MGAT4C: variants seen among roughly 807,000 people sequenced by gnomAD.
The protein encoded by MGAT4C is MGAT4 family member C.
In MGAT4C, 19 loss-of-function variants were observed where a neutral mutation model predicts 40.1. That is an observed-to-expected ratio of 0.47 (90% confidence interval 0.33 to 0.70). The LOEUF (loss-of-function observed/expected upper bound fraction) is 0.70, where lower values mean the gene tolerates loss of function less well. Ranked by LOEUF, MGAT4C falls within the 30% of genes least tolerant of loss-of-function variation. The probability of loss-of-function intolerance (pLI) is 0.02; values close to 1 mark genes in which losing one functional copy is unlikely to be tolerated. For synonymous variants in MGAT4C, 181 were observed against 187.1 expected (o/e 0.97, Z 0.27); for missense variants, 491 against 563.2 (o/e 0.87, Z 1.30).
intron 2 of MGAT4C, among the ~76,000 whole-genome samples, chr12:86,568,415 T>C (rs773814533): frequency 6.6e-6 from 1 of 151,992 alleles, no homozygotes; most frequent in Non-Finnish European, 1.5e-5. Context: ...GACTGAAAGC[T>C]GCCCTGTTCG....
At chr12:86,013,262 T>G (rs896560302) in intron 2 of MGAT4C, among the ~76,000 whole-genome samples, 1 of 151,608 alleles carries the variant, frequency 6.6e-6, no homozygotes, top group Non-Finnish European at 1.5e-5. Context: ...TACCAAGTAA[T>G]TTTTTTTTGG....
Position 86,688,247 on chromosome 12 carries a change from A to T in MGAT4C, c.-229+38962T>A, listed in dbSNP as rs1010724940. On this transcript the variant is annotated intron_variant, in intron 2 of 7. Transcript: ENST00000548651. ...CTTGAGCTTATGTGTGTCTTTGCAC[A>T]TGAAATGGGTCTCCTGAATACAGCA... 5.6e-5 allele frequency among the ~76,000 whole-genome samples: 8 copies of T among 142,134 alleles called. 1 individual carries two copies. In the South Asian group the frequency reaches 1.1e-3, roughly 20 times the overall value. The allele number at this position is 142,134 out of a possible 152,430, so 93.2% of individuals were successfully genotyped here. A position where few individuals can be genotyped will look rare whatever the true frequency, so the allele number is the denominator to read the frequency against.
intron 3 of MGAT4C, among the ~76,000 whole-genome samples, chr12:86,355,708 AT>A (rs146511868): frequency 0.013 from 2,041 of 152,294 alleles, 37 homozygotes; most frequent in African/African-American, 0.047. Flanking sequence ...AAAGAAAAAA[AT>A]AAGCAGAATA....
rs1592571859 is a variant in MGAT4C at position 85,957,291 on chromosome 12, T to A, written c.*21998A>T. The A allele has an allele frequency of 6.6e-6, 1 of 152,184 alleles. No individual in the cohort carries two copies. Among genetic ancestry groups the A allele is most frequent in the East Asian group, 1.9e-4 (1 of 5,198 alleles). The allele number at this position is 152,184 out of a possible 1,614,324, so 9.4% of individuals were successfully genotyped here. On this transcript the variant is annotated 3_prime_UTR_variant, in exon 5 of 5. Transcript: ENST00000611864. ...ATTTGTGAAAGACCAAGGCCAAGGA[T>A]CTTGCCCCTCATTCTATAATGAGGT...
At chr12:86,538,608 CTTTT>C (rs71078909) in intron 2 of MGAT4C, among the ~76,000 whole-genome samples, 1 of 138,354 alleles carries the variant, frequency 7.2e-6, no homozygotes, top group Admixed American at 7.4e-5. Context: ...TGTAATACTT[CTTTT>C]TTTTTTTTTT....
intron 2 of MGAT4C, among the ~76,000 whole-genome samples, chr12:86,508,237 C>A (rs147308244): frequency 5.1e-4 from 77 of 151,876 alleles, no homozygotes; most frequent in African/African-American, 1.8e-3. Flanking sequence ...GTCCCCAGAG[C>A]GTGACGTTCC....
At chr12:86,271,768 T>C (rs1952956126) in intron 4 of MGAT4C, among the ~76,000 whole-genome samples, 1 of 152,190 alleles carries the variant, frequency 6.6e-6, no homozygotes, top group South Asian at 2.1e-4. Context: ...CAATAGATGA[T>C]GGAGTAGAGA....
At chr12:86,076,593 C>T (rs187500608) in intron 1 of MGAT4C, among the ~76,000 whole-genome samples, 19 of 152,218 alleles carry the variant, frequency 1.2e-4, no homozygotes, top group African/African-American at 4.6e-4. Flanking sequence ...ACTGGGGAGG[C>T]CTCATAATCA....
At chr12:86,104,488 A>G (rs1875779614) in intron 1 of MGAT4C, among the ~76,000 whole-genome samples, 1 of 152,094 alleles carries the variant, frequency 6.6e-6, no homozygotes, top group Non-Finnish European at 1.5e-5. Context: ...GTAATATTTA[A>G]TATTATTTTT....
At chr12:86,523,582 T>C (rs552885437) in intron 2 of MGAT4C, among the ~76,000 whole-genome samples, 20 of 151,776 alleles carry the variant, frequency 1.3e-4, no homozygotes, top group Non-Finnish European at 2.9e-4. Context: ...GTGGGGAGAG[T>C]TCCACATATT....
intron 1 of MGAT4C, among the ~76,000 whole-genome samples, chr12:86,243,240 A>T (rs1951861704): frequency 6.6e-6 from 1 of 152,200 alleles, no homozygotes; most frequent in Non-Finnish European, 1.5e-5. Flanking sequence ...AATCAAAATT[A>T]TTCTTGTTGG....
At chr12:86,399,528 G>A (rs1198940128) in intron 3 of MGAT4C, among the ~76,000 whole-genome samples, 2 of 152,076 alleles carry the variant, frequency 1.3e-5, no homozygotes, top group Non-Finnish European at 2.9e-5. Flanking sequence ...TGATCTGCCT[G>A]CCTCGACCTC....
chr12:86,579,378 A>C (rs571367694), intron 2 of MGAT4C, among the ~76,000 whole-genome samples: 1 of 151,674 alleles, frequency 6.6e-6, no homozygotes, highest in Non-Finnish European at 1.5e-5. Context: ...ATAAGCCATA[A>C]TTTTAACCTG....
At chr12:86,726,301 G>A (rs1489441416) in intron 2 of MGAT4C, among the ~76,000 whole-genome samples, 2 of 152,242 alleles carry the variant, frequency 1.3e-5, no homozygotes, top group African/African-American at 4.8e-5. Flanking sequence ...TCTAACTTAA[G>A]GCATAAATTT....
At chr12:86,536,605 C>T (rs1959072994) in intron 2 of MGAT4C, among the ~76,000 whole-genome samples, 1 of 151,918 alleles carries the variant, frequency 6.6e-6, no homozygotes, top group South Asian at 2.1e-4. Context: ...AAATGGTTAT[C>T]AATAGAGAAA....
intron 2 of MGAT4C, among the ~76,000 whole-genome samples, chr12:86,547,401 A>T (rs1310037369): frequency 2.0e-5 from 3 of 151,998 alleles, no homozygotes. Context: ...CAATATTTCT[A>T]ATCATTTTTA....
intron 2 of MGAT4C, among the ~76,000 whole-genome samples, chr12:86,048,390 A>G (rs1022144522): frequency 6.7e-4 from 102 of 152,084 alleles, no homozygotes; most frequent in African/African-American, 2.2e-3. Context: ...AGTGAATGTG[A>G]TCATTCATAT....
intron 2 of MGAT4C, among the ~76,000 whole-genome samples, chr12:86,476,069 T>C (rs1404293408): frequency 6.6e-6 from 1 of 152,120 alleles, no homozygotes; most frequent in Non-Finnish European, 1.5e-5. Context: ...CGTGTGTCTG[T>C]GTGTTAACAG....
chr12:86,642,404 G>C (rs561013179), intron 2 of MGAT4C, among the ~76,000 whole-genome samples: 1 of 151,862 alleles, frequency 6.6e-6, no homozygotes, highest in South Asian at 2.1e-4. Flanking sequence ...GAACAAGTTA[G>C]GAGAATTCAT....
Sources: gnomAD v4.1 joint callset for allele counts (sites outside exome capture counted in the v4.1 genomes callset) on GRCh38, gnomAD v4.1.1 for gene constraint, MANE v1.5 for transcripts, NCBI Gene and HGNC (gene_info 2026-07-23, HGNC 2026-07-21) for gene names.